CNBD1: variants seen among roughly 807,000 people sequenced by gnomAD.
CNBD1 encodes the protein cyclic nucleotide binding domain containing 1.
Under a neutral mutation model 54.4 loss-of-function variants are expected in CNBD1, and 71 were observed. The ratio of observed to expected loss-of-function variants is 1.30; its 90% CI spans 1.08 to 1.59. The LOEUF (loss-of-function observed/expected upper bound fraction) is 1.59. CNBD1 is among the 40% of genes most tolerant of loss of function. The pLI, the probability that CNBD1 is intolerant of heterozygous loss-of-function variation, is 0.00. For synonymous variants in CNBD1, 182 were observed against 170.7 expected (o/e 1.07, Z -0.51); for missense variants, 659 against 518.0 (o/e 1.27, Z -2.64).
intron 4 of CNBD1, among the ~76,000 whole-genome samples, chr8:87,046,000 C>T (rs1215449670): frequency 6.8e-6 from 1 of 146,932 alleles, no homozygotes; most frequent in Non-Finnish European, 1.5e-5. Flanking sequence ...AAGGTCGTGC[C>T]ACTGCACTCC....
At chr8:87,410,466 C>T (rs1205486951) in intron 2 of CNBD1, among the ~76,000 whole-genome samples, 1 of 152,058 alleles carries the variant, frequency 6.6e-6, no homozygotes, top group South Asian at 2.1e-4. Flanking sequence ...TAAATTGCTG[C>T]AATTTCATAA....
At chr8:87,098,497 A>G (rs192329276) in intron 4 of CNBD1, among the ~76,000 whole-genome samples, 2 of 152,276 alleles carry the variant, frequency 1.3e-5, no homozygotes, top group East Asian at 3.9e-4. Context: ...TTAAGACTTA[A>G]AACATGAGCA....
intron 6 of CNBD1, among the ~76,000 whole-genome samples, chr8:87,276,977 TTA>T (rs778951468): frequency 0.012 from 993 of 81,452 alleles, 11 homozygotes; most frequent in African/African-American, 0.048. Context: ...GCTTGAATAA[TTA>T]TTTTTTTTTT....
At chr8:87,401,044 A>T (rs1586079988) in intron 2 of CNBD1, among the ~76,000 whole-genome samples, 1 of 152,150 alleles carries the variant, frequency 6.6e-6, no homozygotes, top group East Asian at 1.9e-4. Context: ...TCTCAGTTTA[A>T]AGCCATCACT....
chr8:87,216,564 A>G (rs181547130), intron 5 of CNBD1, among the ~76,000 whole-genome samples: 55 of 152,270 alleles, frequency 3.6e-4, no homozygotes, highest in Middle Eastern at 6.8e-3. Context: ...TATGATGTGT[A>G]CATTCCTTTT....
chr8:87,270,672 G>A (rs555729956), intron 6 of CNBD1, among the ~76,000 whole-genome samples: 1 of 151,592 alleles, frequency 6.6e-6, no homozygotes, highest in Non-Finnish European at 1.5e-5. Context: ...AGGAATATTG[G>A]CCTGTAGTTT....
intron 8 of CNBD1, among the ~76,000 whole-genome samples, chr8:87,332,889 GT>G (rs1162851594): frequency 3.3e-5 from 5 of 152,050 alleles, no homozygotes; most frequent in Admixed American, 3.3e-4. Context: ...TTTTAAAGTA[GT>G]TTTTTCTAAT....
chr8:87,362,801 C>T (rs573825485), intron 10 of CNBD1, among the ~76,000 whole-genome samples: 2 of 152,064 alleles, frequency 1.3e-5, no homozygotes, highest in South Asian at 2.1e-4. Flanking sequence ...TATAACACTG[C>T]TTATTAAATA....
rs753240701 is a variant in CNBD1 at position 86,905,205 on chromosome 8, C to T, written c.272+11C>T. The T allele has an allele frequency of 1.3e-6, 2 of 1,505,124 alleles. No homozygotes were observed. The highest frequency in any genetic ancestry group is 1.8e-6 in the Non-Finnish European group (2 of 1,083,958). 93.2% of individuals were successfully genotyped at this position (1,505,124 alleles called of 1,614,324 possible). A position where few individuals can be genotyped will look rare whatever the true frequency, so the allele number is the denominator to read the frequency against. On this transcript the variant is annotated intron_variant, in intron 3 of 10. Transcript: ENST00000518476. ...ACAGGAGGAACAAAGGTAATGATAC[C>T]TTCTTTTGAAAGCAAGGTTGATGGG...
chr8:86,868,575 C>CG lies in CNBD1; in HGVS notation c.88+1992_88+1993insG, dbSNP rs869096010. On this transcript the variant is annotated intron_variant, in intron 1 of 10. Transcript: ENST00000518476. The stretch of plus-strand genomic sequence containing the variant: ...CTCTATCTCCTCACCTCGTGATCTG[C>CG]CCCCCTCAGCCTCCCAAAGTGCTAG... 1.0e-4 allele frequency among the ~76,000 whole-genome samples: 3 copies of CG among 29,158 alleles called. No homozygotes were observed. In the East Asian group the frequency reaches 3.5e-3, roughly 34 times the overall value. The allele number at this position is 29,158 out of a possible 152,430, so 19.1% of individuals were successfully genotyped here.
At chr8:87,226,933 G>A (rs951741637) in intron 5 of CNBD1, among the ~76,000 whole-genome samples, 3 of 151,644 alleles carry the variant, frequency 2.0e-5, no homozygotes, top group African/African-American at 7.3e-5. Context: ...CCTCTATTGG[G>A]TGCATATATA....
rs557399950 is a variant in CNBD1 at position 87,276,982 on chromosome 8, T to A, written c.772-7696T>A. Among the ~76,000 whole-genome samples, 346 of 151,250 alleles carry A rather than the reference T, an allele frequency of 2.3e-3. 4 individuals carry two copies. Among genetic ancestry groups the A allele is most frequent in the African/African-American group, 7.8e-3 (321 of 41,356 alleles). ...AGAAAATGGAGCTTGAATAATTATT[T>A]TTTTTTTTTGAAATACACATCTGGT... On this transcript the variant is annotated intron_variant, in intron 6 of 10. Coordinates refer to ENST00000518476, the MANE Select transcript of CNBD1 (RefSeq NM_173538.3).
chr8:87,186,950 G>A (rs1813488102), intron 4 of CNBD1, among the ~76,000 whole-genome samples: 1 of 152,020 alleles, frequency 6.6e-6, no homozygotes, highest in African/African-American at 2.4e-5. Context: ...CATCCCAAAA[G>A]CAATAGAAGT....
intron 4 of CNBD1, among the ~76,000 whole-genome samples, chr8:87,007,389 T>C (rs1586194492): frequency 1.3e-5 from 2 of 152,252 alleles, no homozygotes; most frequent in East Asian, 3.9e-4. Flanking sequence ...TTTTTTAACT[T>C]GTGCATACCT....
rs1554588016 is a variant in CNBD1 at position 87,411,397 on chromosome 8, C to CATATATACATAT, written c.214-17142_214-17141insCATATATATATA. On this transcript the variant is annotated intron_variant, in intron 2 of 7. Transcript: ENST00000521593. ...ATAGGCAGGATTAACCTAGCTATATCATATATATATATATATATATATATA... is the reference window on the plus strand; with the variant it reads ...ATAGGCAGGATTAACCTAGCTATATCATATATACATATATATATATATATATATATATATATA... Among the ~76,000 whole-genome samples, 220 of 92,398 alleles carry CATATATACATAT rather than the reference C, an allele frequency of 2.4e-3. 3 individuals carry two copies. Among genetic ancestry groups the CATATATACATAT allele is most frequent in the African/African-American group, 8.5e-3 (196 of 23,044 alleles). The allele number at this position is 92,398 out of a possible 152,430, so 60.6% of individuals were successfully genotyped here.
chr8:87,424,146 A>C (rs1807997443), intron 2 of CNBD1, among the ~76,000 whole-genome samples: 2 of 151,640 alleles, frequency 1.3e-5, no homozygotes, highest in Admixed American at 1.3e-4. Context: ...TTTTTATTGC[A>C]TCTATTTGAC....
intron 6 of CNBD1, among the ~76,000 whole-genome samples, chr8:87,249,791 G>T (rs576695661): frequency 2.6e-5 from 4 of 152,254 alleles, no homozygotes; most frequent in Non-Finnish European, 5.9e-5. Context: ...CAGTATGCAA[G>T]ATAACTTAAT....
At chr8:86,943,072 G>A (rs141660833) in intron 4 of CNBD1, among the ~76,000 whole-genome samples, 1 of 150,944 alleles carries the variant, frequency 6.6e-6, no homozygotes, top group East Asian at 1.9e-4. Context: ...AAAACATTTT[G>A]AGTCACAGTA....
At chr8:87,328,495 T>C (rs1809741853) in intron 8 of CNBD1, among the ~76,000 whole-genome samples, 1 of 152,014 alleles carries the variant, frequency 6.6e-6, no homozygotes, top group African/African-American at 2.4e-5. Flanking sequence ...GCTAGTAACA[T>C]ACTGCTTTGA....
Sources: allele counts gnomAD v4.1 joint callset (sites outside exome capture counted in the v4.1 genomes callset), GRCh38; gene constraint gnomAD v4.1.1; transcripts MANE v1.5; gene names NCBI Gene and HGNC (gene_info 2026-07-23, HGNC 2026-07-21).